SUPV3L1: variants seen among roughly 807,000 people sequenced by gnomAD.
SUPV3L1 encodes Suv3 like RNA helicase.
SUPV3L1 carries 35 observed loss-of-function variants against 70.0 expected under a neutral mutation model. The observed-to-expected ratio is 0.50, with a 90% confidence interval of 0.38 to 0.66. The LOEUF is 0.66. Ranked by LOEUF, SUPV3L1 falls within the 30% of genes least tolerant of loss-of-function variation. SUPV3L1 has a pLI of 0.00. For synonymous variants in SUPV3L1, 364 were observed against 341.9 expected, an observed-to-expected ratio of 1.06 and a Z score of -0.71; for missense variants, 777 against 961.5, an observed-to-expected ratio of 0.81 and a Z score of 2.54.
chr10:69,186,658 G>C (rs1015599773), intron 3 of SUPV3L1, 108 bp downstream of exon 3: 46 of 856,302 alleles, frequency 5.4e-5, no homozygotes, highest in Non-Finnish European at 4.8e-5. Flanking sequence ...AGTGGGTCTG[G>C]TAACATCCTC....
At chr10:69,193,659 C>T (rs186178797) in intron 6 of SUPV3L1, among the ~76,000 whole-genome samples, 2 of 152,162 alleles carry the variant, frequency 1.3e-5, no homozygotes, top group Admixed American at 1.3e-4. Flanking sequence ...GTCCGCCTCG[C>T]CTCGGCCTCC....
rs139425121 is a variant in SUPV3L1, at chr10:69,205,156, A to G, written c.1776+2113A>G. ...TGTGTTAGAGATCTTCCATGTCCAG[A>G]TGTTTACCTAGAAAATATGTTTCTT... is the stretch of plus-strand genomic sequence containing the variant. On this transcript the variant is annotated intron_variant, in intron 13 of 14. Transcript: ENST00000359655. Among the ~76,000 whole-genome samples the G allele has an allele frequency of 4.8e-3, 730 of 152,276 alleles. 3 individuals are homozygous for G. The highest frequency in any genetic ancestry group is 7.8e-3 in the Non-Finnish European group (533 of 68,020).
At chr10:69,208,053 A>G in intron 14 of SUPV3L1, 112 bp downstream of exon 14, 1 of 1,309,632 alleles carries the variant, frequency 7.6e-7, no homozygotes, top group African/African-American at 1.5e-5. Flanking sequence ...GATGCTCTAT[A>G]TTATGTCTAT....
chr10:69,201,978 T>C (rs369930104), intron 11 of SUPV3L1, among the ~76,000 whole-genome samples: 6 of 151,810 alleles, frequency 4.0e-5, no homozygotes, highest in Non-Finnish European at 5.9e-5. Flanking sequence ...GTAGCTGGGA[T>C]TACAGGCACG....
In SUPV3L1 at chr10:69,191,735, T is replaced by C; in HGVS notation, c.822T>C (p.Cys274=). 1.2e-6 allele frequency: 2 copies of C among 1,614,062 alleles called. No individual in the cohort carries two copies. The highest frequency in any genetic ancestry group is 2.2e-5 in the South Asian group (2 of 91,076). Reference sequence around the variant, plus strand: ...GGAAACAGGCTTCACATGTTTCTTGTACAGTTGAGATGTGCAGTGTTACAA... The same window carrying C: ...GGAAACAGGCTTCACATGTTTCTTGCACAGTTGAGATGTGCAGTGTTACAA... ...PNGKQASHVS[C]TVEMCSVTTP... The change falls in exon 6 of 15, where the codon TGT becomes TGC. Residue 274 remains cysteine (C), a synonymous_variant. Transcript: ENST00000359655.
rs557267484 is a variant in SUPV3L1, at chr10:69,200,319, C to T, written c.1338C>T (p.Pro446=). 1.5e-4 allele frequency: 245 copies of T among 1,613,986 alleles called. 3 individuals are homozygous for T. In the South Asian group the frequency reaches 2.6e-3, roughly 17 times the overall value. Residue 446 remains proline (P), a synonymous_variant, in exon 11 of 15, where the codon CCC becomes CCT. Coordinates refer to ENST00000359655, the MANE Select transcript of SUPV3L1 (RefSeq NM_003171.5). ...TTATTTTTTACTCCCTTATAAAGCCCAGTATCAATGAAAAGGGAGAGAGAG... is the reference window on the plus strand; with the variant it reads ...TTATTTTTTACTCCCTTATAAAGCCTAGTATCAATGAAAAGGGAGAGAGAG... ...RRIIFYSLIK[P]SINEKGEREL...
rs574864266 is a variant in SUPV3L1, at chr10:69,207,845, G to A, written c.1829G>A (p.Arg610Gln). The change falls in exon 14 of 15, where the codon CGA becomes CAA. Residue 610 changes from arginine (R) to glutamine (Q), a missense_variant. By Grantham distance (43) the Arg-to-Gln change is conservative. Around this residue, in one of 2 missense-constraint regions of SUPV3L1, gnomAD observed 619 missense variants for 823.3 expected, o/e 0.75. Transcript: ENST00000359655. ...NEPLTFAWLRRYIKWPLLPPK... is the reference protein window; with the variant it reads ...NEPLTFAWLRQYIKWPLLPPK... ...CCCCTGACCTTTGCATGGTTACGCC[G>A]ATACATCAAATGGCCTTTACTTCCA... is the stretch of plus-strand genomic sequence containing the variant. 7 of 1,613,920 alleles carry A rather than the reference G, an allele frequency of 4.3e-6. No homozygotes were observed. Among genetic ancestry groups the A allele is most frequent in the Middle Eastern group, 1.6e-4 (1 of 6,084 alleles).
intron 13 of SUPV3L1, among the ~76,000 whole-genome samples, chr10:69,207,092 T>C (rs1451119233): frequency 1.3e-5 from 2 of 152,188 alleles, no homozygotes; most frequent in African/African-American, 4.8e-5. Context: ...ACATATGAGA[T>C]AGAAATAGGA....
intron 14 of SUPV3L1, 89 bp downstream of exon 14, chr10:69,208,030 G>A: frequency 6.8e-7 from 1 of 1,480,724 alleles, no homozygotes; most frequent in Non-Finnish European, 9.2e-7. Flanking sequence ...TCAAATTATG[G>A]ACATATTTGC....
At chr10:69,189,929 A>G (rs1214879312) in intron 5 of SUPV3L1, among the ~76,000 whole-genome samples, 2 of 152,196 alleles carry the variant, frequency 1.3e-5, no homozygotes, top group Non-Finnish European at 2.9e-5. Context: ...TACAGGCGTG[A>G]GCCACCGCAC....
chr10:69,193,966 C>T (rs1842468482), intron 6 of SUPV3L1, among the ~76,000 whole-genome samples: 1 of 152,166 alleles, frequency 6.6e-6, no homozygotes, highest in African/African-American at 2.4e-5. Flanking sequence ...GACTGAGGCC[C>T]AAGGAATTAT....
At chr10:69,190,867 A>T (rs1396672236) in intron 5 of SUPV3L1, among the ~76,000 whole-genome samples, 2 of 152,192 alleles carry the variant, frequency 1.3e-5, no homozygotes, top group African/African-American at 4.8e-5. Context: ...GTTTGCCTGG[A>T]CTTCTCCAGA....
At chr10:69,189,956 T>C (rs1842348677) in intron 5 of SUPV3L1, among the ~76,000 whole-genome samples, 1 of 152,184 alleles carries the variant, frequency 6.6e-6, no homozygotes, top group African/African-American at 2.4e-5. Flanking sequence ...CTATCAATTC[T>C]TAAGATGCAT....
chr10:69,185,790 G>A (rs554556836), intron 1 of SUPV3L1, among the ~76,000 whole-genome samples, 197 bp from the exon 2 acceptor site: 34 of 152,130 alleles, frequency 2.2e-4, no homozygotes, highest in Admixed American at 2.6e-4. Flanking sequence ...GTGAGCCACC[G>A]TGCCCGGCCA....
At chr10:69,185,855 G>A (rs1358411229) in intron 1 of SUPV3L1, 132 bp from the exon 2 acceptor site, 3 of 745,722 alleles carry the variant, frequency 4.0e-6, no homozygotes, top group Non-Finnish European at 7.1e-6. Context: ...AAGAAGGATC[G>A]ACTAAAACCT....
At chr10:69,206,197 T>C (rs911610051) in intron 13 of SUPV3L1, among the ~76,000 whole-genome samples, 4 of 152,210 alleles carry the variant, frequency 2.6e-5, no homozygotes, top group African/African-American at 9.6e-5. Flanking sequence ...TAGCAGGTAG[T>C]GTGGTCACAT....
chr10:69,186,368 G>T (rs1842233578), intron 2 of SUPV3L1, 75 bp from the exon 3 acceptor site: 3 of 966,030 alleles, frequency 3.1e-6, no homozygotes, highest in Non-Finnish European at 4.9e-6. Flanking sequence ...TCTTTGATGA[G>T]TTTGGTGTGG....
chr10:69,196,158 G>A (rs916875550), intron 7 of SUPV3L1, among the ~76,000 whole-genome samples: 1 of 152,048 alleles, frequency 6.6e-6, no homozygotes, highest in African/African-American at 2.4e-5. Context: ...GTGAATTTTT[G>A]ATCATGTTTT....
At position 69,202,846 on chromosome 10, in the gene SUPV3L1, TTC is replaced by T; in HGVS notation, c.1600-19_1600-18del. 6.2e-7 allele frequency: 1 copy of T among 1,606,290 alleles called. No individual in the cohort carries two copies. The highest frequency in any genetic ancestry group is 1.1e-5 in the South Asian group (1 of 90,102). ...TAATTCACTTAGGCAGTCCAGTAAT[TTC>T]TGTCTTTTTTTCCCCAAGGATATTT... On this transcript the variant is annotated intron_variant, in intron 12 of 14. Coordinates refer to ENST00000359655, the MANE Select transcript of SUPV3L1 (RefSeq NM_003171.5).
Sources: gnomAD v4.1 joint callset for allele counts (sites outside exome capture counted in the v4.1 genomes callset) on GRCh38, gnomAD v4.1.1 for gene constraint, gnomAD v4.1.1 regional missense constraint, MANE v1.5 for transcripts, NCBI Gene and HGNC (gene_info 2026-07-23, HGNC 2026-07-21) for gene names.